TPM2: variants seen among roughly 807,000 people sequenced by gnomAD.
TPM2 encodes tropomyosin beta chain.
A neutral mutation model predicts 41.0 loss-of-function variants in TPM2; 26 were observed. The observed-to-expected ratio is 0.63, with a 90% confidence interval of 0.46 to 0.88. The LOEUF (loss-of-function observed/expected upper bound fraction) is 0.88, where lower values mean the gene tolerates loss of function less well. Among genes scored for constraint, TPM2 ranks in the 40% least tolerant of loss-of-function variants. The probability of loss-of-function intolerance (pLI) is 0.00; values close to 1 mark genes in which losing one functional copy is unlikely to be tolerated. For synonymous variants in TPM2, 143 were observed against 139.3 expected, an observed-to-expected ratio of 1.03 and a Z score of -0.19; for missense variants, 187 against 355.2, an observed-to-expected ratio of 0.53 and a Z score of 3.81.
chr9:35,689,618 C>T (rs969370431), intron 1 of TPM2, 86 bp downstream of exon 1: 12 of 1,595,588 alleles, frequency 7.5e-6, no homozygotes, highest in Non-Finnish European at 1.0e-5. Context: ...CCTTGGCGGG[C>T]AGGCCCGGGG....
Position 35,685,677 on chromosome 9 carries a change from T to A in TPM2, c.344A>T (p.Glu115Val). 4 of 1,614,138 alleles carry A rather than the reference T, an allele frequency of 2.5e-6. No homozygotes were observed. The highest frequency in any genetic ancestry group is 2.5e-6 in the Non-Finnish European group (3 of 1,180,022). ...GCTCTCATCAGCCGCCTTCTCGGCC[T>A]CCTCCAGCTTCTGCAGGGCTGTAGC... is the stretch of plus-strand genomic sequence containing the variant. ...RLATALQKLE[E>V]AEKAADESER... Residue 115 changes from glutamate (E) to valine (V), a missense_variant, in exon 3 of 9, where the codon GAG (glutamate) becomes GTG (valine). Transcript: ENST00000645482. This position sits in a 1 kb window ranked among gnomAD's most constrained non-coding sequence, Gnocchi z 5.0.
chr9:35,689,592 C>T, intron 1 of TPM2, 112 bp downstream of exon 1: 1 of 1,579,620 alleles, frequency 6.3e-7, no homozygotes, highest in Non-Finnish European at 8.6e-7. Context: ...CAGCCCCCAC[C>T]CTGGGTGAGA....
intron 8 of TPM2, 82 bp downstream of exon 8, chr9:35,684,164 G>A: frequency 1.4e-6 from 2 of 1,442,736 alleles, no homozygotes; most frequent in Admixed American, 1.7e-5. Context: ...GTTTATTGGT[G>A]GCAAATAAAA....
Position 35,683,147 on chromosome 9 carries a change from C to T in TPM2, c.*12G>A. ...AGAGAAGAGAGCTGAGGTGGCCACG[C>T]TGGCGTGGGGCTCAGAGGGAGGTGA... On this transcript the variant is annotated 3_prime_UTR_variant, in exon 9 of 9. Coordinates refer to ENST00000645482, the MANE Select transcript of TPM2 (RefSeq NM_003289.4). 6.4e-7 allele frequency: 1 copy of T among 1,552,200 alleles called. No homozygotes were observed.
At position 35,684,753 on chromosome 9, in the gene TPM2, G is replaced by A. The variant is rs370079073; in HGVS notation, c.618C>T (p.Ser206=). The A allele has an allele frequency of 5.6e-6, 9 of 1,614,030 alleles. No homozygotes were observed. Among genetic ancestry groups the A allele is most frequent in the Non-Finnish European group, 7.6e-6 (9 of 1,180,014 alleles). The part of the protein sequence containing the change: ...ELKIVTNNLK[S]LEAQADKYST... ...CTACCTTGTCCGCCTGGGCCTCCAG[G>A]GATTTCAAGTTGTTGGTAACAATTT... The change falls in exon 6 of 9, where the codon TCC becomes TCT. Residue 206 remains serine, a synonymous_variant. Coordinates refer to ENST00000645482, the MANE Select transcript of TPM2 (RefSeq NM_003289.4).
rs372514453 is a variant in TPM2, at chr9:35,684,837, G to A, written c.564-30C>T. ...AGGGGGTGTGTGGCGGGGGGGGCAG[G>A]GTGTGAGGGCACAGCGAAGCCAGAC... is the stretch of plus-strand genomic sequence containing the variant. On this transcript the variant is annotated intron_variant, in intron 5 of 8. Transcript: ENST00000645482. 62 of 1,613,754 alleles carry A rather than the reference G, an allele frequency of 3.8e-5. No individual in the cohort carries two copies. In the African/African-American group the frequency reaches 7.6e-4, roughly 20 times the overall value.
At chr9:35,683,402 G>A (rs1022900509) in intron 8 of TPM2, among the ~76,000 whole-genome samples, 161 bp from the exon 9 acceptor site, 1 of 152,194 alleles carries the variant, frequency 6.6e-6, no homozygotes, top group Non-Finnish European at 1.5e-5. Context: ...ACAGCTGTCA[G>A]GAACTCCTTC....
chr9:35,684,061 A>C (rs993507764), intron 8 of TPM2, 185 bp downstream of exon 8: 11 of 643,074 alleles, frequency 1.7e-5, no homozygotes, highest in East Asian at 1.1e-4. Flanking sequence ...GAAGCACTGG[A>C]GTTGTTGCGC....
rs551323431 is a variant in TPM2, at chr9:35,684,427, C to T, written c.702+61G>A. The T allele has an allele frequency of 3.0e-5, 48 of 1,610,744 alleles. 1 individual carries two copies. The highest frequency in any genetic ancestry group is 1.7e-4 in the Middle Eastern group (1 of 6,030). ...AACCCTCAAGTGTCCTGCCACAGGCCGTCTCTGGCAAGGATTAGGGTGGCT... is the reference window on the plus strand; with the variant it reads ...AACCCTCAAGTGTCCTGCCACAGGCTGTCTCTGGCAAGGATTAGGGTGGCT... On this transcript the variant is annotated intron_variant, in intron 7 of 8. Transcript: ENST00000645482.
chr9:35,684,658 C>A, intron 6 of TPM2, 74 bp downstream of exon 6: 1 of 1,613,534 alleles, frequency 6.2e-7, no homozygotes, highest in Non-Finnish European at 8.5e-7. Context: ...AACACCCAGC[C>A]CCTCCCTGCC....
rs939637794 is a variant in TPM2, at chr9:35,689,035, T to G, written c.240+111A>C. ...TACTGAGATGAAACCATTTCTCTCC[T>G]GGCGCTGGGGACATAAGGGGATAAG... On this transcript the variant is annotated intron_variant, in intron 2 of 8. Coordinates refer to ENST00000645482, the MANE Select transcript of TPM2 (RefSeq NM_003289.4). 41 of 1,291,834 alleles carry G rather than the reference T, an allele frequency of 3.2e-5. 1 individual carries two copies. The South Asian group carries it at 4.7e-4, about 15-fold the overall frequency. 80.0% of individuals were successfully genotyped at this position (1,291,834 alleles called of 1,614,324 possible).
downstream of TPM2, chr9:35,682,378 C>A: frequency 9.8e-7 from 1 of 1,018,060 alleles, no homozygotes. Context: ...GCCTTGGGGT[C>A]ATAGAGGTGG....
chr9:35,682,591 T>C (rs777846683), downstream of TPM2: 68 of 1,255,898 alleles, frequency 5.4e-5, no homozygotes, highest in Non-Finnish European at 6.5e-5. Context: ...TCCAGACCTT[T>C]TGCAACCTTC....
chr9:35,684,901 AGAG>A lies in TPM2; in HGVS notation c.564-97_564-95del. The A allele has an allele frequency of 1.9e-6, 3 of 1,611,694 alleles. No individual in the cohort carries two copies. In the South Asian group the frequency reaches 3.3e-5, roughly 18 times the overall value. ...CAGCAGGGGACGGGTGGAGGAGAGA[AGAG>A]AAGAGCAAAGTTGTGAGAGTGACAG... On this transcript the variant is annotated intron_variant, in intron 5 of 8. Coordinates refer to ENST00000645482, the MANE Select transcript of TPM2 (RefSeq NM_003289.4).
Position 35,685,171 on chromosome 9 carries a change from G to T in TPM2, c.563+98C>A, listed in dbSNP as rs751528269. On this transcript the variant is annotated intron_variant, in intron 5 of 8. Coordinates refer to ENST00000645482, the MANE Select transcript of TPM2 (RefSeq NM_003289.4). The surrounding 1 kb of genome is among the most constrained non-coding windows in gnomAD (Gnocchi z 5.0). ...GCAGCGGGCAGGGGTCAGAGAACAG[G>T]GCCTGTCCCTACAGCCCCAAGCCTA... 5.6e-6 allele frequency: 9 copies of T among 1,614,072 alleles called. No homozygotes were observed. The East Asian group carries it at 2.0e-4, about 36-fold the overall frequency.
chr9:35,686,486 C>G (rs567027235), intron 2 of TPM2: 1 of 154,238 alleles, frequency 6.5e-6, no homozygotes, highest in East Asian at 1.9e-4. Flanking sequence ...CCAGACATCA[C>G]TGCTGCTAAG....
chr9:35,682,829 C>A, downstream of TPM2: 2 of 1,391,290 alleles, frequency 1.4e-6, no homozygotes, highest in Non-Finnish European at 1.9e-6. Flanking sequence ...GGGCTCAGTG[C>A]AGGGGCTGGG....
In TPM2 at chr9:35,689,925, T is replaced by C; in HGVS notation, c.-108A>G. The stretch of plus-strand genomic sequence containing the variant: ...GCAGGCGAGGAGGACGGAGCGGGAC[T>C]GGGACGTCCCGGCCACGCGGGCGCC... On this transcript the variant is annotated 5_prime_UTR_variant, in exon 1 of 9. Coordinates refer to ENST00000645482, the MANE Select transcript of TPM2 (RefSeq NM_003289.4). The C allele has an allele frequency of 6.3e-6, 10 of 1,590,170 alleles. No homozygotes were observed. The highest frequency in any genetic ancestry group is 8.5e-6 in the Non-Finnish European group (10 of 1,170,166).
chr9:35,687,727 A>G (rs1246901712), intron 2 of TPM2, among the ~76,000 whole-genome samples: 1 of 152,032 alleles, frequency 6.6e-6, no homozygotes, highest in Non-Finnish European at 1.5e-5. Flanking sequence ...GTACTACCCT[A>G]GAGAGAGGTG....
Sources: gnomAD v4.1 joint callset for allele counts (sites outside exome capture counted in the v4.1 genomes callset) on GRCh38, gnomAD v4.1.1 for gene constraint, Gnocchi (gnomAD v3.1) non-coding constraint, MANE v1.5 for transcripts, NCBI Gene and HGNC (gene_info 2026-07-23, HGNC 2026-07-21) for gene names.